Variants in CNTN4 observed in about 807,000 individuals in gnomAD.
CNTN4 encodes contactin-4.
A neutral mutation model predicts 122.5 loss-of-function variants in CNTN4; 77 were observed. The ratio of observed to expected loss-of-function variants is 0.63; its 90% CI spans 0.52 to 0.76. The LOEUF is 0.76. CNTN4 is among the 30% of genes least tolerant of loss of function. CNTN4 has a pLI of 0.00. For missense variants in CNTN4, 1,256 were observed against 1,259.1 expected (o/e 1.00, Z 0.04); for synonymous variants, 512 against 447.0 (o/e 1.15, Z -1.83).
At chr3:2,233,028 G>T (rs148804817) in intron 2 of CNTN4, among the ~76,000 whole-genome samples, 3 of 152,286 alleles carry the variant, frequency 2.0e-5, no homozygotes, top group East Asian at 3.9e-4. Flanking sequence ...TGCATGCAAA[G>T]AAATTGGTTA....
At chr3:2,649,235 AT>A (rs2083260788) in intron 4 of CNTN4, among the ~76,000 whole-genome samples, 1 of 152,218 alleles carries the variant, frequency 6.6e-6, no homozygotes, top group African/African-American at 2.4e-5. Context: ...TAAAAAACAG[AT>A]TTTAAATGTA....
chr3:2,230,868 G>T (rs1287131070), intron 2 of CNTN4, among the ~76,000 whole-genome samples: 2 of 151,926 alleles, frequency 1.3e-5, no homozygotes, highest in African/African-American at 4.8e-5. Flanking sequence ...CACGCCTCTA[G>T]TCCCAGTTAC....
At chr3:2,719,499 G>C (rs140439465) in intron 4 of CNTN4, among the ~76,000 whole-genome samples, 1 of 152,226 alleles carries the variant, frequency 6.6e-6, no homozygotes, top group African/African-American at 2.4e-5. Context: ...TGTTGGTCAG[G>C]CTGATCTCGA....
intron 3 of CNTN4, among the ~76,000 whole-genome samples, chr3:2,397,664 A>G (rs2046690708): frequency 6.6e-6 from 1 of 152,166 alleles, no homozygotes; most frequent in East Asian, 1.9e-4. Context: ...TAGCCAATGG[A>G]TTGGGGGTTC....
intron 13 of CNTN4, among the ~76,000 whole-genome samples, chr3:2,950,740 G>A (rs975402062): frequency 2.0e-5 from 3 of 152,184 alleles, no homozygotes; most frequent in Admixed American, 6.5e-5. Flanking sequence ...TGATGAATTG[G>A]TTTTAACTCT....
At chr3:2,456,947 G>T (rs1234569157) in intron 3 of CNTN4, among the ~76,000 whole-genome samples, 1 of 152,068 alleles carries the variant, frequency 6.6e-6, no homozygotes, top group Non-Finnish European at 1.5e-5. Context: ...GAACTCTTTA[G>T]ATTCTCAGAA....
chr3:2,887,332 G>A, intron 10 of CNTN4, 108 bp downstream of exon 10: 1 of 1,054,624 alleles, frequency 9.5e-7, no homozygotes, highest in East Asian at 2.5e-5. Flanking sequence ...GTGCAGAATA[G>A]GACTGTGTGA....
At chr3:2,856,159 A>G (rs1478280851) in intron 7 of CNTN4, among the ~76,000 whole-genome samples, 1 of 152,236 alleles carries the variant, frequency 6.6e-6, no homozygotes, top group Non-Finnish European at 1.5e-5. Context: ...TCACAAAAGT[A>G]AAGTGTATGT....
At chr3:2,261,311 G>A (rs2149750833) in intron 2 of CNTN4, among the ~76,000 whole-genome samples, 1 of 152,192 alleles carries the variant, frequency 6.6e-6, no homozygotes, top group East Asian at 1.9e-4. Flanking sequence ...TGTCATACAC[G>A]TTGGTTTCTC....
At chr3:2,341,774 C>T (rs2044220238) in intron 3 of CNTN4, among the ~76,000 whole-genome samples, 1 of 152,224 alleles carries the variant, frequency 6.6e-6, no homozygotes, top group African/African-American at 2.4e-5. Context: ...GTTGCCAGCA[C>T]TTAAAAATTT....
chr3:2,622,276 C>G (rs1294586896), intron 4 of CNTN4, among the ~76,000 whole-genome samples: 1 of 152,098 alleles, frequency 6.6e-6, no homozygotes, highest in African/African-American at 2.4e-5. Flanking sequence ...CTCCTTTGGA[C>G]AAGAATATAA....
At chr3:2,157,818 T>A (rs2035788714) in intron 2 of CNTN4, among the ~76,000 whole-genome samples, 2 of 152,236 alleles carry the variant, frequency 1.3e-5, no homozygotes. Context: ...ATTTTCTGTT[T>A]GGATTTTCTT....
At chr3:2,949,919 A>G (rs415348) in intron 13 of CNTN4, among the ~76,000 whole-genome samples, 12,582 of 152,198 alleles carry the variant, frequency 0.083, 1,744 homozygotes, top group African/African-American at 0.29. Flanking sequence ...CTTTAATGGC[A>G]TTTGGGTGTT....
At chr3:2,705,236 C>CG (rs1576508294) in intron 4 of CNTN4, among the ~76,000 whole-genome samples, 1 of 148,656 alleles carries the variant, frequency 6.7e-6, no homozygotes, top group South Asian at 2.1e-4. Context: ...GGCGTAGTGG[C>CG]GGGCGCCTGT....
chr3:3,033,711 C>T (rs1198398735), intron 16 of CNTN4, among the ~76,000 whole-genome samples: 1 of 152,262 alleles, frequency 6.6e-6, no homozygotes, highest in African/African-American at 2.4e-5. Context: ...CATTTAACTG[C>T]CTGGTAAGAG....
At chr3:2,242,627 C>T (rs1326512663) in intron 2 of CNTN4, among the ~76,000 whole-genome samples, 1 of 152,064 alleles carries the variant, frequency 6.6e-6, no homozygotes, top group South Asian at 2.1e-4. Context: ...AGAAAATTGT[C>T]CTTGAATAGT....
chr3:2,798,066 C>CCATCCCAT (rs2092245702), intron 6 of CNTN4, among the ~76,000 whole-genome samples: 1 of 146,194 alleles, frequency 6.8e-6, no homozygotes, highest in African/African-American at 2.6e-5. Context: ...TTTTTTTAAT[C>CCATCCCAT]CCTCCCACCC....
rs975732272 is a variant in CNTN4 at position 2,549,965 on chromosome 3, A to G, written c.-88-21451A>G. On this transcript the variant is annotated intron_variant, in intron 3 of 24. Transcript: ENST00000418658. The stretch of plus-strand genomic sequence containing the variant: ...ATCCAGCAATTCATCCATTTCTTCT[A>G]GATTTTCCAGTTTATTTGCGTAGAG... 5.9e-5 allele frequency among the ~76,000 whole-genome samples: 9 copies of G among 152,094 alleles called. No homozygotes were observed. In the South Asian group the frequency reaches 6.2e-4, roughly 10 times the overall value.
chr3:3,047,846 T>C (rs1488409792), intron 23 of CNTN4, among the ~76,000 whole-genome samples: 1 of 151,716 alleles, frequency 6.6e-6, no homozygotes, highest in African/African-American at 2.4e-5. Context: ...GGAGCTGGTT[T>C]TTTGAAAAGA....
Sources: allele counts gnomAD v4.1 joint callset (sites outside exome capture counted in the v4.1 genomes callset), GRCh38; gene constraint gnomAD v4.1.1; transcripts MANE v1.5; gene names NCBI Gene and HGNC (gene_info 2026-07-23, HGNC 2026-07-21).